Variants in SP2 observed in about 807,000 individuals in gnomAD.
The protein encoded by SP2 is transcription factor Sp2.
SP2 carries 9 observed loss-of-function variants against 50.1 expected under a neutral mutation model. That is an observed-to-expected ratio of 0.18 (90% confidence interval 0.11 to 0.31). The LOEUF (loss-of-function observed/expected upper bound fraction) is 0.31, where lower values mean the gene tolerates loss of function less well. Ranked by LOEUF, SP2 falls within the 10% of genes least tolerant of loss-of-function variation. The pLI is 1.00. For missense variants in SP2, 581 were observed against 806.5 expected (o/e 0.72, Z 3.39); for synonymous variants, 313 against 326.6 (o/e 0.96, Z 0.45).
downstream of SP2, among the ~76,000 whole-genome samples, chr17:47,929,456 G>A (rs2035773699): frequency 6.6e-6 from 1 of 152,220 alleles, no homozygotes; most frequent in Non-Finnish European, 1.5e-5. Flanking sequence ...AGTGAAGGGC[G>A]AGGCAGGTTC....
intron 6 of SP2, among the ~76,000 whole-genome samples, chr17:47,926,184 T>C (rs1243303198): frequency 2.0e-5 from 3 of 151,608 alleles, no homozygotes; most frequent in Non-Finnish European, 4.4e-5. Context: ...CCCAAAGTGC[T>C]AGGAATAGAG....
chr17:47,903,192 G>A (rs567838401), intron 1 of SP2, among the ~76,000 whole-genome samples: 3 of 152,330 alleles, frequency 2.0e-5, no homozygotes, highest in Non-Finnish European at 2.9e-5. Flanking sequence ...CTAAACCCAC[G>A]AGACTAGACA....
At chr17:47,924,769 C>T (rs2144070012) in intron 4 of SP2, 150 bp from the exon 5 acceptor site, 1 of 654,292 alleles carries the variant, frequency 1.5e-6, no homozygotes, top group East Asian at 2.8e-5. Flanking sequence ...AGTCCCTGTA[C>T]AAAGGTCCTT....
chr17:47,925,938 A>ATGGAG (rs1237441937), intron 6 of SP2, among the ~76,000 whole-genome samples: 1 of 72,406 alleles, frequency 1.4e-5, no homozygotes, highest in Non-Finnish European at 2.4e-5. Flanking sequence ...TTTTTTGGAG[A>ATGGAG]TGGAGTTTCG....
At position 47,916,668 on chromosome 17, in the gene SP2, T is replaced by C. The variant is rs1201698585; in HGVS notation, c.597T>C (p.Asn199=). Residue 199 remains asparagine (N), a synonymous_variant, in exon 3 of 7, where the codon AAT becomes AAC. Coordinates refer to ENST00000376741, the MANE Select transcript of SP2 (RefSeq NM_003110.6). The surrounding 1 kb of genome is among the most constrained non-coding windows in gnomAD (Gnocchi z 4.7). ...TTTTPVQSGA[N]VVKLTGGGGN... ...CCACCCCCGTGCAGAGCGGGGCCAA[T>C]GTGGTGAAGCTGACAGGTGGGGGCG... 1 of 1,613,726 alleles carries C rather than the reference T, an allele frequency of 6.2e-7. No homozygotes were observed. The highest frequency in any genetic ancestry group is 1.1e-5 in the South Asian group (1 of 91,072).
intron 6 of SP2, among the ~76,000 whole-genome samples, chr17:47,926,424 C>G (rs769864071): frequency 6.6e-6 from 1 of 151,250 alleles, no homozygotes; most frequent in Non-Finnish European, 1.5e-5. Flanking sequence ...GTGATTCTCC[C>G]ACCTCAACCT....
intron 1 of SP2, among the ~76,000 whole-genome samples, chr17:47,904,623 C>G (rs1200475407): frequency 6.6e-6 from 1 of 152,044 alleles, no homozygotes; most frequent in Non-Finnish European, 1.5e-5. Flanking sequence ...GATCTCCATT[C>G]CTTACTCACC....
chr17:47,904,994 A>T (rs149422445), intron 1 of SP2, among the ~76,000 whole-genome samples: 3,047 of 151,776 alleles, frequency 0.02, 77 homozygotes, highest in Admixed American at 0.077. Flanking sequence ...CTAGTCTTGA[A>T]CCCCTGGCCT....
chr17:47,920,769 T>A lies in SP2; in HGVS notation c.1060-2193T>A, dbSNP rs372867505. The stretch of plus-strand genomic sequence containing the variant: ...CTGACAGGCTCTCATTCTTTTTTTT[T>A]ATAAAATCAGCTTTACTGAAACATT... On this transcript the variant is annotated intron_variant, in intron 3 of 6. Coordinates refer to ENST00000376741, the MANE Select transcript of SP2 (RefSeq NM_003110.6). Among the ~76,000 whole-genome samples, 330 of 152,320 alleles carry A rather than the reference T, an allele frequency of 2.2e-3. 2 individuals are homozygous for A. Among genetic ancestry groups the A allele is most frequent in the African/African-American group, 7.6e-3 (316 of 41,560 alleles).
chr17:47,916,509 C>G lies in SP2; in HGVS notation c.438C>G (p.Ile146Met). The G allele has an allele frequency of 2.5e-6, 4 of 1,614,114 alleles. No individual in the cohort carries two copies. Among genetic ancestry groups the G allele is most frequent in the Non-Finnish European group, 3.4e-6 (4 of 1,180,010 alleles). The change falls in exon 3 of 7, where the codon ATC (isoleucine) becomes ATG (methionine). Residue 146 changes from isoleucine (I) to methionine (M), a missense_variant. Coordinates refer to ENST00000376741, the MANE Select transcript of SP2 (RefSeq NM_003110.6). The surrounding 1 kb of genome is among the most constrained non-coding windows in gnomAD (Gnocchi z 4.7). Reference protein sequence around the residue: ...PQIQASNSQTIQVQPNLTNQI... With the variant: ...PQIQASNSQTMQVQPNLTNQI... ...TTCAGGCAAGCAATTCCCAAACCAT[C>G]CAAGTACAGCCCAATCTCACCAACC...
At chr17:47,924,372 G>A (rs551492867) in intron 4 of SP2, among the ~76,000 whole-genome samples, 1 of 152,216 alleles carries the variant, frequency 6.6e-6, no homozygotes, top group Non-Finnish European at 1.5e-5. Flanking sequence ...CTGGGCCCAA[G>A]CAATTGTCCT....
At chr17:47,922,917 C>T (rs760950338) in intron 3 of SP2, 45 bp from the exon 4 acceptor site, 2 of 1,550,544 alleles carry the variant, frequency 1.3e-6, no homozygotes, top group African/African-American at 2.7e-5. Flanking sequence ...CCCCAGGAAC[C>T]TAGTCTCTTC....
At chr17:47,904,257 T>C (rs1312596840) in intron 1 of SP2, among the ~76,000 whole-genome samples, 1 of 132,440 alleles carries the variant, frequency 7.6e-6, no homozygotes, top group Non-Finnish European at 1.6e-5. Flanking sequence ...AGTGAGACTC[T>C]GTCCCAAAAA....
At position 47,925,364 on chromosome 17, in the gene SP2, A is replaced by G; in HGVS notation, c.1564A>G (p.Lys522Glu). 1.2e-6 allele frequency: 2 copies of G among 1,613,754 alleles called. No individual in the cohort carries two copies. The highest frequency in any genetic ancestry group is 1.7e-6 in the Non-Finnish European group (2 of 1,179,788). The change falls in exon 6 of 7, where the codon AAG becomes GAG. Residue 522 changes from lysine (K) to glutamate (E), a missense_variant. Lys to Glu is a moderately conservative substitution (Grantham distance 56). Transcript: ENST00000376741. ...DGEKRSGEQG[K>E]KKHVCHIPDC... ...AATTCTCAGGTCTGGAGAGCAGGGC[A>G]AGAAGAAGCACGTGTGCCACATCCC...
At chr17:47,904,218 T>C (rs2143808121) in intron 1 of SP2, among the ~76,000 whole-genome samples, 1 of 151,016 alleles carries the variant, frequency 6.6e-6, no homozygotes, top group South Asian at 2.1e-4. Flanking sequence ...TGAGCTGAGA[T>C]TGTGGCACTG....
intron 1 of SP2, among the ~76,000 whole-genome samples, chr17:47,907,016 AG>A (rs1824497473): frequency 6.6e-6 from 1 of 151,910 alleles, no homozygotes. Context: ...GTGGCAGGAG[AG>A]GTGGGAGAAA....
chr17:47,921,401 A>G lies in SP2; in HGVS notation c.1060-1561A>G, dbSNP rs114431647. ...GTAGCTGGGATTACAGGCGTGCGCC[A>G]TCCCTCCCGGCTAATTTTTTTTGTA... is the stretch of plus-strand genomic sequence containing the variant. On this transcript the variant is annotated intron_variant, in intron 3 of 6. Transcript: ENST00000376741. Among the ~76,000 whole-genome samples the G allele has an allele frequency of 6.0e-3, 919 of 152,238 alleles. 13 individuals are homozygous for G. Among genetic ancestry groups the G allele is most frequent in the African/African-American group, 0.021 (885 of 41,544 alleles).
At chr17:47,906,969 AG>A (rs1470065683) in intron 1 of SP2, among the ~76,000 whole-genome samples, 1 of 152,162 alleles carries the variant, frequency 6.6e-6, no homozygotes, top group Non-Finnish European at 1.5e-5. Context: ...TCAGTATTTA[AG>A]GGTGGCAAAG....
chr17:47,922,232 G>A (rs907452174), intron 3 of SP2, among the ~76,000 whole-genome samples: 6 of 151,992 alleles, frequency 3.9e-5, no homozygotes, highest in South Asian at 2.1e-4. Context: ...GCCTGCCACC[G>A]CCATTCCCTA....
Sources: allele counts gnomAD v4.1 joint callset (sites outside exome capture counted in the v4.1 genomes callset), GRCh38; gene constraint gnomAD v4.1.1; non-coding constraint Gnocchi (gnomAD v3.1); transcripts MANE v1.5; gene names NCBI Gene and HGNC (gene_info 2026-07-23, HGNC 2026-07-21).